GPC6: variants seen among roughly 807,000 people sequenced by gnomAD.
The protein encoded by GPC6 is glypican-6.
Under a neutral mutation model 55.2 loss-of-function variants are expected in GPC6, and 14 were observed. The ratio of observed to expected loss-of-function variants is 0.25; its 90% CI spans 0.17 to 0.40. The LOEUF is 0.40. GPC6 is among the 10% of genes least tolerant of loss of function. GPC6 has a pLI of 1.00. For missense variants in GPC6, 641 were observed against 708.5 expected (o/e 0.90, Z 1.08); for synonymous variants, 278 against 259.6 (o/e 1.07, Z -0.68).
intron 7 of GPC6, among the ~76,000 whole-genome samples, chr13:94,387,601 A>C (rs1042285653): frequency 6.6e-6 from 1 of 152,166 alleles, no homozygotes; most frequent in South Asian, 2.1e-4. Context: ...TGTCCCCCGA[A>C]AATTCATAGT....
intron 3 of GPC6, among the ~76,000 whole-genome samples, chr13:93,831,817 G>A (rs373405953): frequency 1.3e-5 from 2 of 151,372 alleles, no homozygotes; most frequent in African/African-American, 2.4e-5. Context: ...TTTGCCGGGC[G>A]CGGTGGCTCA....
intron 2 of GPC6, among the ~76,000 whole-genome samples, chr13:93,617,653 T>G (rs1878780224): frequency 1.3e-5 from 2 of 152,072 alleles, no homozygotes; most frequent in South Asian, 4.1e-4. Context: ...GAATCCCAAG[T>G]TTCAATATAT....
At chr13:93,361,583 T>G (rs1881041912) in intron 1 of GPC6, among the ~76,000 whole-genome samples, 1 of 152,180 alleles carries the variant, frequency 6.6e-6, no homozygotes, top group Non-Finnish European at 1.5e-5. Context: ...TTCTAAATCT[T>G]CTATAATAAA....
At chr13:93,470,028 GA>G (rs1211698396) in intron 1 of GPC6, among the ~76,000 whole-genome samples, 1 of 152,080 alleles carries the variant, frequency 6.6e-6, no homozygotes, top group East Asian at 1.9e-4. Context: ...AGTTTTACAG[GA>G]AGACTTGAAA....
At chr13:93,573,779 A>G (rs1876526304) in intron 2 of GPC6, among the ~76,000 whole-genome samples, 1 of 152,178 alleles carries the variant, frequency 6.6e-6, no homozygotes, top group African/African-American at 2.4e-5. Flanking sequence ...ACATATACCA[A>G]TTAATACTGA....
intron 2 of GPC6, among the ~76,000 whole-genome samples, chr13:93,661,090 G>A (rs1382832108): frequency 6.6e-6 from 1 of 152,170 alleles, no homozygotes; most frequent in African/African-American, 2.4e-5. Flanking sequence ...TGTAGTACAT[G>A]CAAGGAGACA....
chr13:94,300,102 G>A (rs570895111), intron 5 of GPC6, among the ~76,000 whole-genome samples: 3 of 152,236 alleles, frequency 2.0e-5, no homozygotes, highest in Admixed American at 6.5e-5. Flanking sequence ...TATGAGAATA[G>A]CAGCACCTTT....
intron 4 of GPC6, among the ~76,000 whole-genome samples, chr13:94,028,631 T>G (rs918686678): frequency 1.3e-5 from 2 of 152,336 alleles, no homozygotes; most frequent in Non-Finnish European, 1.5e-5. Flanking sequence ...ATACTTTGGC[T>G]AAAATATGCA....
intron 1 of GPC6, among the ~76,000 whole-genome samples, chr13:93,497,037 T>C (rs1396067070): frequency 6.6e-6 from 1 of 152,188 alleles, no homozygotes; most frequent in Non-Finnish European, 1.5e-5. Context: ...CCGAGGAAGG[T>C]TGCAATGGCT....
In GPC6 at chr13:94,403,514, GAAGTA is replaced by G. The variant is rs1881240901; in HGVS notation, c.*301_*305del. ...TACCTTCATTTGCTTTTATGCTGCA[GAAGTA>G]AAGGAATCTCACGTTGTGAGGGTTT... On this transcript the variant is annotated 3_prime_UTR_variant, in exon 9 of 9. Coordinates refer to ENST00000377047, the MANE Select transcript of GPC6 (RefSeq NM_005708.5). The G allele has an allele frequency of 2.6e-6, 1 of 391,208 alleles. No homozygotes were observed. The highest frequency in any genetic ancestry group is 2.8e-5 in the South Asian group (1 of 35,718). 24.2% of individuals were successfully genotyped at this position (391,208 alleles called of 1,614,324 possible).
chr13:93,320,822 G>A lies in GPC6; in HGVS notation c.160+93206G>A, dbSNP rs143718162. Among the ~76,000 whole-genome samples the A allele has an allele frequency of 4.3e-3, 657 of 152,156 alleles. 1 individual carries two copies. Among genetic ancestry groups the A allele is most frequent in the African/African-American group, 0.012 (500 of 41,520 alleles). On this transcript the variant is annotated intron_variant, in intron 1 of 8. Transcript: ENST00000377047. ...TACTAATGCTTTACAAATAAGAACC[G>A]GTGTTCAACAAATCTTCATGGCGGA...
intron 2 of GPC6, among the ~76,000 whole-genome samples, chr13:93,569,037 C>T (rs1049562308): frequency 6.6e-6 from 1 of 152,130 alleles, no homozygotes; most frequent in Non-Finnish European, 1.5e-5. Flanking sequence ...CTACAAAGAA[C>T]GCTTTAGCAT....
rs546582752 is a variant in GPC6, at chr13:94,298,219, A to T, written c.1009-7761A>T. 3.3e-5 allele frequency among the ~76,000 whole-genome samples: 5 copies of T among 152,312 alleles called. No homozygotes were observed. The South Asian group carries it at 1.0e-3, about 32-fold the overall frequency. ...GAAATGAATTTCTAAGGTGCCAGTTATCTTATGTAATAGTATAATGTAGCT... is the reference window on the plus strand; with the variant it reads ...GAAATGAATTTCTAAGGTGCCAGTTTTCTTATGTAATAGTATAATGTAGCT... On this transcript the variant is annotated intron_variant, in intron 5 of 8. Coordinates refer to ENST00000377047, the MANE Select transcript of GPC6 (RefSeq NM_005708.5).
At chr13:94,330,104 G>C (rs748526940) in intron 6 of GPC6, among the ~76,000 whole-genome samples, 11 of 152,162 alleles carry the variant, frequency 7.2e-5, no homozygotes, top group Non-Finnish European at 1.6e-4. Context: ...GTGTTCCCTC[G>C]ATCAGGACTG....
chr13:94,262,866 G>T (rs577729405), intron 4 of GPC6, among the ~76,000 whole-genome samples: 2 of 152,196 alleles, frequency 1.3e-5, no homozygotes, highest in East Asian at 3.9e-4. Flanking sequence ...TTCTGTTTAT[G>T]TAAAACAGAG....
intron 4 of GPC6, among the ~76,000 whole-genome samples, chr13:94,109,136 TC>T (rs1198388022): frequency 2.0e-5 from 3 of 152,222 alleles, no homozygotes; most frequent in Non-Finnish European, 4.4e-5. Context: ...TGATTTCCCC[TC>T]ACATGGCCTT....
intron 4 of GPC6, among the ~76,000 whole-genome samples, chr13:94,177,220 T>C (rs1888806886): frequency 6.6e-6 from 1 of 152,182 alleles, no homozygotes; most frequent in Non-Finnish European, 1.5e-5. Context: ...GAGAACACGA[T>C]GTAAATTTTT....
chr13:93,552,494 C>T (rs1875216079), intron 2 of GPC6, among the ~76,000 whole-genome samples: 1 of 151,968 alleles, frequency 6.6e-6, no homozygotes, highest in Non-Finnish European at 1.5e-5. Flanking sequence ...CTCTCTCTCT[C>T]TCTCTCTCTT....
chr13:93,240,860 CT>C (rs1376276520), intron 1 of GPC6, among the ~76,000 whole-genome samples: 1 of 152,066 alleles, frequency 6.6e-6, no homozygotes, highest in East Asian at 1.9e-4. Context: ...TCCGAGTTTG[CT>C]TTACTGGGAG....
Sources: gnomAD v4.1 joint callset for allele counts (sites outside exome capture counted in the v4.1 genomes callset) on GRCh38, gnomAD v4.1.1 for gene constraint, MANE v1.5 for transcripts, NCBI Gene and HGNC (gene_info 2026-07-23, HGNC 2026-07-21) for gene names.